Variants in COL6A3 observed in about 807,000 individuals in gnomAD.
COL6A3 encodes the protein collagen type VI alpha 3 chain.
A neutral mutation model predicts 274.1 loss-of-function variants in COL6A3; 137 were observed. The observed-to-expected ratio is 0.50, with a 90% CI of 0.44 to 0.58. The LOEUF is 0.58. Among genes scored for constraint, COL6A3 ranks in the 20% least tolerant of loss-of-function variants. The pLI, the probability that COL6A3 is intolerant of heterozygous loss-of-function variation, is 0.00. For synonymous variants in COL6A3, 1,650 were observed against 1,650.6 expected (o/e 1.00, Z 0.01); for missense variants, 3,950 against 4,124.9 (o/e 0.96, Z 1.16).
rs138426138 is a variant in COL6A3 at position 237,374,584 on chromosome 2, G to A, written c.3507C>T (p.Asn1169=). The A allele has an allele frequency of 6.9e-5, 111 of 1,614,202 alleles. 1 individual carries two copies. The South Asian group carries it at 7.2e-4, about 11-fold the overall frequency. The change falls in exon 8 of 44, where the codon AAC becomes AAT. Residue 1169 remains asparagine, a synonymous_variant. Transcript: ENST00000295550. This position sits in a 1 kb window ranked among gnomAD's most constrained non-coding sequence, Gnocchi z 4.8. ...TGGTCTGCATCTCTGTGATGTCAGC[G>A]TTCCCGATGCCAATGCCAATGGGCA... ...GAVPIGIGIG[N]ADITEMQTIS... is the part of the protein sequence containing the mutation.
At chr2:237,333,575 G>T (rs369662070) in intron 41 of COL6A3, 27 bp from the exon 42 acceptor site, 1 of 1,589,608 alleles carries the variant, frequency 6.3e-7, no homozygotes, top group Non-Finnish European at 8.6e-7. Context: ...TATGCAACTC[G>T]TAGGTAAATC....
intron 42 of COL6A3, among the ~76,000 whole-genome samples, chr2:237,332,100 TATATA>T (rs1700280883): frequency 2.5e-5 from 1 of 40,538 alleles, no homozygotes. Flanking sequence ...TATATATATA[TATATA>T]TATATATATA....
chr2:237,409,177 G>C (rs75790370), intron 1 of COL6A3, among the ~76,000 whole-genome samples: 1,975 of 152,292 alleles, frequency 0.013, 20 homozygotes, highest in Middle Eastern at 0.027. Context: ...CACCAAGGTA[G>C]TAGTTTTTTT....
At chr2:237,332,113 A>ATGTGTG (rs1437538343) in intron 42 of COL6A3, among the ~76,000 whole-genome samples, 1 of 93,922 alleles carries the variant, frequency 1.1e-5, no homozygotes, top group African/African-American at 4.4e-5. Context: ...ATATATATAT[A>ATGTGTG]TATATGAAAA....
In COL6A3 at chr2:237,371,532, A is replaced by T; in HGVS notation, c.4285+200T>A. 1 of 1,185,588 alleles carries T rather than the reference A, an allele frequency of 8.4e-7. No individual in the cohort carries two copies. Among genetic ancestry groups the T allele is most frequent in the Non-Finnish European group, 1.1e-6 (1 of 898,894 alleles). The allele number at this position is 1,185,588 out of a possible 1,614,324, so 73.4% of individuals were successfully genotyped here. ...AGGTTGGCTGGATCCCAGAAGGCAG[A>T]GGTTAAAATGAGTTATGATCATGCC... On this transcript the variant is annotated intron_variant, in intron 9 of 43. Transcript: ENST00000295550. This position sits in a 1 kb window ranked among gnomAD's most constrained non-coding sequence, Gnocchi z 4.3.
At position 237,334,644 on chromosome 2, in the gene COL6A3, G is replaced by A; in HGVS notation, c.9211C>T (p.His3071Tyr). Residue 3071 changes from histidine to tyrosine, a missense_variant, in exon 41 of 44, where the codon CAC becomes TAC. By Grantham distance (83) the His-to-Tyr change is moderately conservative (BLOSUM62 2). Around this residue, in one of 5 missense-constraint regions of COL6A3, gnomAD observed 1,284 missense variants for 1,349.7 expected, o/e 0.95. Coordinates refer to ENST00000295550, the MANE Select transcript of COL6A3 (RefSeq NM_004369.4). ...TACTTACTTGTACTGAAACTTCCGT[G>A]GTAGGTGGCTCTGACCTGAGACCTC... ...YLRSQVRATY[H>Y]GSFSTKKSQP... The A allele has an allele frequency of 6.2e-7, 1 of 1,613,534 alleles. No homozygotes were observed. The highest frequency in any genetic ancestry group is 1.3e-5 in the African/African-American group (1 of 75,014).
intron 4 of COL6A3, among the ~76,000 whole-genome samples, chr2:237,384,320 T>C (rs1180975584): frequency 6.6e-6 from 1 of 152,186 alleles, no homozygotes; most frequent in Non-Finnish European, 1.5e-5. Context: ...ATCTCTTTAA[T>C]GTGGCTCTGC....
chr2:237,372,081 C>CACGTTGATCTGCCGCCCTCCCT lies in COL6A3; in HGVS notation c.3914_3935dup (p.Asn1314ArgfsTer27). ...TGGACACGTACTCCAGGGCATTGCC[C>CACGTTGATCTGCCGCCCTCCCT]ACGTTGATCTGCCGCCCTCCCTTGG... On this transcript the variant is annotated frameshift_variant, in exon 9 of 44. Coordinates refer to ENST00000295550, the MANE Select transcript of COL6A3 (RefSeq NM_004369.4). LOFTEE classifies it high-confidence loss of function. The CACGTTGATCTGCCGCCCTCCCT allele has an allele frequency of 1.2e-6, 2 of 1,614,024 alleles. No individual in the cohort carries two copies. Among genetic ancestry groups the CACGTTGATCTGCCGCCCTCCCT allele is most frequent in the Non-Finnish European group, 1.7e-6 (2 of 1,180,034 alleles).
At chr2:237,396,691 C>A (rs1484835014) in intron 2 of COL6A3, 36 bp downstream of exon 2, 1 of 1,593,782 alleles carries the variant, frequency 6.3e-7, no homozygotes, top group Admixed American at 1.7e-5. Context: ...GAATGATATT[C>A]CTTTTTACAA....
At chr2:237,365,581 G>T in intron 12 of COL6A3, 117 bp downstream of exon 12, 1 of 909,658 alleles carries the variant, frequency 1.1e-6, no homozygotes, top group Non-Finnish European at 1.8e-6. Context: ...TTTCCATATA[G>T]ACACTAACAA....
rs200887514 is a variant in COL6A3 at position 237,395,036 on chromosome 2, G to C, written c.260C>G (p.Pro87Arg). The C allele has an allele frequency of 8.1e-6, 13 of 1,613,970 alleles. No homozygotes were observed. Among genetic ancestry groups the C allele is most frequent in the Non-Finnish European group, 1.1e-5 (13 of 1,180,036 alleles). Residue 87 changes from proline (P) to arginine (R), a missense_variant, in exon 3 of 44, where the codon CCA becomes CGA. Transcript: ENST00000295550. ...HFALVQFNGN[P>R]HTEFLLNTYR... is the part of the protein sequence containing the mutation. The stretch of plus-strand genomic sequence containing the variant: ...CGTATTTAACAGGAACTCGGTATGT[G>C]GGTTTCCGTTGAACTGGACCAGAGC...
At chr2:237,325,918 CT>C in intron 42 of COL6A3, 194 bp from the exon 43 acceptor site, 1 of 534,280 alleles carries the variant, frequency 1.9e-6, no homozygotes, top group Non-Finnish European at 3.3e-6. Flanking sequence ...TGCTTACAGC[CT>C]TGTGAGAGAT....
In COL6A3 at chr2:237,367,168, G is replaced by T. The variant is rs140516220; in HGVS notation, c.5019C>A (p.Gly1673=). The T allele has an allele frequency of 1.2e-6, 2 of 1,614,032 alleles. No homozygotes were observed. Among genetic ancestry groups the T allele is most frequent in the Non-Finnish European group, 1.7e-6 (2 of 1,180,032 alleles). Residue 1673 remains glycine, a synonymous_variant, in exon 11 of 44, where the codon GGC becomes GGA. Coordinates refer to ENST00000295550, the MANE Select transcript of COL6A3 (RefSeq NM_004369.4). Reference sequence around the variant, plus strand: ...GGACAAGCCCCACTTGGATGGAGTCGCCATCTTCATAAACTGTGTCCACTA... The same window carrying T: ...GGACAAGCCCCACTTGGATGGAGTCTCCATCTTCATAAACTGTGTCCACTA... ...SEIVDTVYED[G]DSIQVGLVQY...
intron 3 of COL6A3, among the ~76,000 whole-genome samples, 187 bp downstream of exon 3, chr2:237,394,400 G>T (rs1309987219): frequency 1.3e-5 from 2 of 152,222 alleles, no homozygotes; most frequent in Non-Finnish European, 2.9e-5. Context: ...GTATGTAGGT[G>T]AATGCCCTAC....
intron 1 of COL6A3, 24 bp from the exon 2 acceptor site, chr2:237,396,871 G>A: frequency 6.5e-7 from 1 of 1,535,848 alleles, no homozygotes; most frequent in Non-Finnish European, 9.0e-7. Context: ...CAGGGCAAAG[G>A]GAATGATCAG....
intron 21 of COL6A3, 31 bp from the exon 22 acceptor site, chr2:237,357,913 C>T (rs1357813654): frequency 6.2e-7 from 1 of 1,602,560 alleles, no homozygotes; most frequent in East Asian, 2.2e-5. Context: ...GGAAATGAGC[C>T]ACATATGGAA....
At chr2:237,390,947 A>G (rs1315215268) in intron 3 of COL6A3, among the ~76,000 whole-genome samples, 1 of 152,100 alleles carries the variant, frequency 6.6e-6, no homozygotes, top group Non-Finnish European at 1.5e-5. Flanking sequence ...ACCATTAGAG[A>G]TTGATTATTT....
chr2:237,344,628 T>C lies in COL6A3; in HGVS notation c.7390A>G (p.Lys2464Glu), dbSNP rs767192941. 4.3e-6 allele frequency: 7 copies of C among 1,614,086 alleles called. No homozygotes were observed. The African/African-American group carries it at 9.3e-5, about 22-fold the overall frequency. ...VTTEIRFADS[K>E]RKSVLLDKIK... ...TTGTCCAGGAGGACCGACTTCCTCT[T>C]GGAGTCAGCAAACCGGATCTCCGTG... Residue 2464 changes from lysine (K) to glutamate (E), a missense_variant, in exon 36 of 44, where the codon AAG (lysine) becomes GAG (glutamate). Around this residue, in one of 5 missense-constraint regions of COL6A3, gnomAD observed 1,284 missense variants for 1,349.7 expected, o/e 0.95. Coordinates refer to ENST00000295550, the MANE Select transcript of COL6A3 (RefSeq NM_004369.4). This position sits in a 1 kb window ranked among gnomAD's most constrained non-coding sequence, Gnocchi z 4.8.
intron 36 of COL6A3, chr2:237,342,555 T>G (rs930277071): frequency 4.3e-6 from 1 of 234,850 alleles, no homozygotes; most frequent in Non-Finnish European, 8.5e-6. Context: ...GCTCCATCCC[T>G]TCCCCACCCT....
Sources: allele counts gnomAD v4.1 joint callset (sites outside exome capture counted in the v4.1 genomes callset), GRCh38; gene constraint gnomAD v4.1.1; regional missense constraint gnomAD v4.1.1; non-coding constraint Gnocchi (gnomAD v3.1); transcripts MANE v1.5; gene names NCBI Gene and HGNC (gene_info 2026-07-23, HGNC 2026-07-21).